MIPOL1: variants seen among roughly 807,000 people sequenced by gnomAD.
MIPOL1 encodes the protein mirror-image polydactyly gene 1 protein.
In MIPOL1, 57 loss-of-function variants were observed where a neutral mutation model predicts 60.9. The ratio of observed to expected loss-of-function variants is 0.94; its 90% CI spans 0.76 to 1.17. MIPOL1 has a LOEUF of 1.17. MIPOL1 is among the 50% of genes most tolerant of loss of function. MIPOL1 has a pLI of 0.00. For synonymous variants in MIPOL1, 179 were observed against 168.8 expected, an observed-to-expected ratio of 1.06 and a Z score of -0.47; for missense variants, 551 against 511.6, an observed-to-expected ratio of 1.08 and a Z score of -0.74.
At chr14:37,365,929 A>G (rs2092456158) in intron 9 of MIPOL1, among the ~76,000 whole-genome samples, 1 of 151,944 alleles carries the variant, frequency 6.6e-6, no homozygotes, top group Non-Finnish European at 1.5e-5. Context: ...TCCTGGCTCA[A>G]TCTCAGTAGG....
At chr14:37,384,487 A>G (rs948909125) in intron 10 of MIPOL1, among the ~76,000 whole-genome samples, 22 of 151,884 alleles carry the variant, frequency 1.4e-4, no homozygotes, top group African/African-American at 5.1e-4. Context: ...CTCTTTATTT[A>G]AAGCTTACAG....
intron 10 of MIPOL1, among the ~76,000 whole-genome samples, chr14:37,404,658 A>G (rs1324741113): frequency 1.3e-5 from 2 of 152,188 alleles, no homozygotes; most frequent in East Asian, 1.9e-4. Context: ...TGCATTCTCT[A>G]TTGCTTTGTA....
chr14:37,464,809 A>T lies in MIPOL1; in HGVS notation c.1032-35099A>T, dbSNP rs116477930. 6.0e-3 allele frequency among the ~76,000 whole-genome samples: 909 copies of T among 152,344 alleles called. 5 individuals carry two copies. Among genetic ancestry groups the T allele is most frequent in the African/African-American group, 0.02 (814 of 41,584 alleles). On this transcript the variant is annotated intron_variant, in intron 11 of 12. Coordinates refer to ENST00000684589, the MANE Select transcript of MIPOL1 (RefSeq NM_001388067.1). ...GCAACTTATCTTTTCACATATAAGC[A>T]ATTGTGTTTCAGTGCCAGAAAAAAA... is the stretch of plus-strand genomic sequence containing the variant.
At position 37,547,625 on chromosome 14, in the gene MIPOL1, T is replaced by C. The variant is rs1326468766; in HGVS notation, c.*654T>C. The C allele has an allele frequency of 1.3e-5, 2 of 152,586 alleles. No individual in the cohort carries two copies. Among genetic ancestry groups the C allele is most frequent in the African/African-American group, 4.8e-5 (2 of 41,428 alleles). 9.5% of individuals were successfully genotyped at this position (152,586 alleles called of 1,614,324 possible). A position where few individuals can be genotyped will look rare whatever the true frequency, so the allele number is the denominator to read the frequency against. On this transcript the variant is annotated 3_prime_UTR_variant, in exon 13 of 13. Coordinates refer to ENST00000684589, the MANE Select transcript of MIPOL1 (RefSeq NM_001388067.1). ...TTCACTACAAATAATGCAAACTGTT[T>C]TCAATAAAAAGAGGAGACTGTTAAT...
intron 7 of MIPOL1, among the ~76,000 whole-genome samples, chr14:37,289,940 G>A (rs1256888923): frequency 2.0e-5 from 3 of 152,140 alleles, no homozygotes; most frequent in Non-Finnish European, 4.4e-5. Context: ...TGAGGAAAGG[G>A]GTGGAAGGGT....
intron 9 of MIPOL1, among the ~76,000 whole-genome samples, chr14:37,366,399 C>T (rs1236886484): frequency 6.6e-6 from 1 of 151,968 alleles, no homozygotes; most frequent in Non-Finnish European, 1.5e-5. Flanking sequence ...TTAATTTCTT[C>T]ATCGACCCCC....
At chr14:37,355,397 T>C in intron 9 of MIPOL1, among the ~76,000 whole-genome samples, 1 of 143,714 alleles carries the variant, frequency 7.0e-6, no homozygotes, top group Non-Finnish European at 1.5e-5. Context: ...GGAGTTGCTC[T>C]TCTCGAGGAG....
chr14:37,422,035 T>C (rs1428301840), intron 10 of MIPOL1, among the ~76,000 whole-genome samples: 1 of 152,054 alleles, frequency 6.6e-6, no homozygotes, highest in African/African-American at 2.4e-5. Context: ...AATTTAACTT[T>C]GAATAAACAA....
At chr14:37,365,777 G>T (rs967045436) in intron 9 of MIPOL1, among the ~76,000 whole-genome samples, 1 of 152,058 alleles carries the variant, frequency 6.6e-6, no homozygotes, top group Non-Finnish European at 1.5e-5. Context: ...GTTTGAGTAG[G>T]ATTGGTATTT....
At chr14:37,507,370 A>G (rs556754140) in intron 12 of MIPOL1, 2 of 152,320 alleles carry the variant, frequency 1.3e-5, no homozygotes, top group South Asian at 4.1e-4. Context: ...CCCATCAATG[A>G]TAGACTGGAT....
intron 10 of MIPOL1, among the ~76,000 whole-genome samples, chr14:37,409,723 T>G (rs1017773543): frequency 2.6e-5 from 4 of 152,086 alleles, no homozygotes. Flanking sequence ...GAGGCAGAGG[T>G]TGCAGTGAGC....
intron 9 of MIPOL1, among the ~76,000 whole-genome samples, chr14:37,355,230 T>TG (rs2091715056): frequency 7.0e-6 from 1 of 142,516 alleles, no homozygotes. Flanking sequence ...TGTTGAATAT[T>TG]GGCCCCCACT....
chr14:37,275,468 A>G (rs555544549), intron 6 of MIPOL1, among the ~76,000 whole-genome samples: 53 of 151,432 alleles, frequency 3.5e-4, no homozygotes, highest in Admixed American at 1.4e-3. Flanking sequence ...ATAGTATGCT[A>G]TGGCCTGATT....
At chr14:37,286,828 A>G (rs1399084205) in intron 7 of MIPOL1, among the ~76,000 whole-genome samples, 1 of 152,186 alleles carries the variant, frequency 6.6e-6, no homozygotes, top group African/African-American at 2.4e-5. Flanking sequence ...TTCCAAAATA[A>G]CCATCTTTAT....
chr14:37,484,733 C>T (rs1431619168), intron 11 of MIPOL1, among the ~76,000 whole-genome samples: 1 of 152,132 alleles, frequency 6.6e-6, no homozygotes, highest in Non-Finnish European at 1.5e-5. Context: ...TTATTGTTCT[C>T]TCTTCCAGTT....
chr14:37,390,679 A>T (rs2093212022), intron 10 of MIPOL1, among the ~76,000 whole-genome samples: 1 of 152,156 alleles, frequency 6.6e-6, no homozygotes, highest in African/African-American at 2.4e-5. Context: ...TGAGCTTAGC[A>T]GAAAACAGGA....
chr14:37,545,595 T>G, intron 12 of MIPOL1: 1 of 593,310 alleles, frequency 1.7e-6, no homozygotes, highest in East Asian at 3.0e-5. Context: ...AGATCATTAC[T>G]GTGTTCTTAA....
At chr14:37,307,516 A>G (rs1452492705) in intron 7 of MIPOL1, among the ~76,000 whole-genome samples, 1 of 151,986 alleles carries the variant, frequency 6.6e-6, no homozygotes, top group Non-Finnish European at 1.5e-5. Context: ...AGAAAATAAC[A>G]GTCATCTAAA....
chr14:37,513,336 A>G (rs1203430745), intron 12 of MIPOL1, among the ~76,000 whole-genome samples: 1 of 152,150 alleles, frequency 6.6e-6, no homozygotes, highest in Non-Finnish European at 1.5e-5. Flanking sequence ...ATCTATATAT[A>G]AAGTAGGTTT....
Sources: allele counts gnomAD v4.1 joint callset (sites outside exome capture counted in the v4.1 genomes callset), GRCh38; gene constraint gnomAD v4.1.1; transcripts MANE v1.5; gene names NCBI Gene and HGNC (gene_info 2026-07-23, HGNC 2026-07-21).